The following NKAIN2 variants were observed in gnomAD, a reference collection of about 807,000 sequenced individuals.
NKAIN2 encodes sodium/potassium-transporting ATPase subunit beta-1-interacting protein 2.
NKAIN2 carries 14 observed loss-of-function variants against 32.6 expected under a neutral mutation model. That is an observed-to-expected ratio of 0.43 (90% CI 0.28 to 0.67). The LOEUF (loss-of-function observed/expected upper bound fraction) is 0.67. NKAIN2 is among the 30% of genes least tolerant of loss of function. The probability of loss-of-function intolerance (pLI) is 0.17; values close to 1 mark genes in which losing one functional copy is unlikely to be tolerated. For missense variants in NKAIN2, 198 were observed against 258.3 expected (o/e 0.77, Z 1.60); for synonymous variants, 80 against 87.2 (o/e 0.92, Z 0.46).
At chr6:124,804,857 C>G (rs9385346) in intron 5 of NKAIN2, among the ~76,000 whole-genome samples, 33,263 of 152,156 alleles carry the variant, frequency 0.22, 4,137 homozygotes, top group East Asian at 0.59. Flanking sequence ...CACCTGGCTC[C>G]GAGGGTCCTA....
At chr6:123,905,603 T>A (rs1774827225) in intron 1 of NKAIN2, among the ~76,000 whole-genome samples, 1 of 152,184 alleles carries the variant, frequency 6.6e-6, no homozygotes, top group Non-Finnish European at 1.5e-5. Context: ...GGTCTAGTTC[T>A]AATGTACCTA....
At chr6:124,572,813 T>A (rs1044753999) in intron 3 of NKAIN2, among the ~76,000 whole-genome samples, 13 of 152,108 alleles carry the variant, frequency 8.5e-5, no homozygotes, top group African/African-American at 2.7e-4. Context: ...TAATTCTCAT[T>A]TCTCCAAAAA....
chr6:124,731,648 A>G (rs999381536), intron 4 of NKAIN2, among the ~76,000 whole-genome samples: 20 of 151,430 alleles, frequency 1.3e-4, no homozygotes, highest in Non-Finnish European at 2.4e-4. Flanking sequence ...AGCATGGCAC[A>G]TGTATACATA....
At chr6:124,343,403 C>T (rs1000702622) in intron 2 of NKAIN2, among the ~76,000 whole-genome samples, 11 of 150,492 alleles carry the variant, frequency 7.3e-5, no homozygotes, top group Non-Finnish European at 1.5e-4. Context: ...GAGGAATCGC[C>T]ACACTGACTT....
At chr6:123,835,623 A>G (rs528426277) in intron 1 of NKAIN2, among the ~76,000 whole-genome samples, 1 of 152,128 alleles carries the variant, frequency 6.6e-6, no homozygotes, top group Non-Finnish European at 1.5e-5. Context: ...CATTGCATAA[A>G]TGAGTGAATT....
chr6:124,598,534 C>T (rs572279892), intron 3 of NKAIN2, among the ~76,000 whole-genome samples: 1 of 152,088 alleles, frequency 6.6e-6, no homozygotes, highest in Non-Finnish European at 1.5e-5. Context: ...CTGGATACAG[C>T]ACATATCACT....
chr6:124,642,955 A>G (rs1329685867), intron 3 of NKAIN2, among the ~76,000 whole-genome samples: 1 of 152,172 alleles, frequency 6.6e-6, no homozygotes. Context: ...TGTAGAACTC[A>G]GGAGAGTAGT....
At position 124,084,954 on chromosome 6, in the gene NKAIN2, G is replaced by T. The variant is rs189715394; in HGVS notation, c.55-198051G>T. Reference sequence around the variant, plus strand: ...GTGCACAGCAGGTAAATGCTGTAATGATATTTACTCAAAGAGCTTAAAATT... The same window carrying T: ...GTGCACAGCAGGTAAATGCTGTAATTATATTTACTCAAAGAGCTTAAAATT... On this transcript the variant is annotated intron_variant, in intron 1 of 6. Coordinates refer to ENST00000368417, the MANE Select transcript of NKAIN2 (RefSeq NM_001040214.3). Among the ~76,000 whole-genome samples, 13 of 152,102 alleles carry T rather than the reference G, an allele frequency of 8.5e-5. No homozygotes were observed. In the East Asian group the frequency reaches 2.5e-3, roughly 29 times the overall value.
At chr6:124,131,722 C>T (rs980133307) in intron 1 of NKAIN2, among the ~76,000 whole-genome samples, 5 of 152,166 alleles carry the variant, frequency 3.3e-5, no homozygotes, top group African/African-American at 1.2e-4. Flanking sequence ...CTTGTAGGCA[C>T]TCCTAGTCTC....
intron 3 of NKAIN2, among the ~76,000 whole-genome samples, chr6:124,575,186 A>C (rs1781283773): frequency 6.6e-6 from 1 of 152,132 alleles, no homozygotes; most frequent in South Asian, 2.1e-4. Context: ...GTGGCCCTTA[A>C]TTTATCCTGT....
chr6:124,445,685 A>C (rs558014055), intron 3 of NKAIN2, among the ~76,000 whole-genome samples: 1 of 152,190 alleles, frequency 6.6e-6, no homozygotes, highest in East Asian at 1.9e-4. Flanking sequence ...TGCTGAAGGA[A>C]GCGTTGACTG....
chr6:124,472,324 A>G (rs1237066873), intron 3 of NKAIN2, among the ~76,000 whole-genome samples: 2 of 152,200 alleles, frequency 1.3e-5, no homozygotes, highest in Non-Finnish European at 2.9e-5. Flanking sequence ...TCCAAAAAAT[A>G]TAAATGAAGA....
chr6:124,300,028 A>G (rs1796231558), intron 2 of NKAIN2, among the ~76,000 whole-genome samples: 2 of 152,160 alleles, frequency 1.3e-5, no homozygotes, highest in Admixed American at 6.5e-5. Flanking sequence ...ACCCAGCATC[A>G]CCTGGAAATG....
At chr6:124,162,314 A>G (rs802274) in intron 1 of NKAIN2, among the ~76,000 whole-genome samples, 114,072 of 152,048 alleles carry the variant, frequency 0.75, 45,599 homozygotes, top group Non-Finnish European at 0.88. Context: ...TCTTCTACTC[A>G]AGTTATTATC....
chr6:124,160,918 T>G (rs1402587646), intron 1 of NKAIN2, among the ~76,000 whole-genome samples: 1 of 152,160 alleles, frequency 6.6e-6, no homozygotes, highest in Non-Finnish European at 1.5e-5. Flanking sequence ...CCAAATATTC[T>G]GTGGTAAAAG....
intron 4 of NKAIN2, among the ~76,000 whole-genome samples, chr6:124,756,918 T>C (rs534107318): frequency 2.6e-5 from 4 of 152,296 alleles, no homozygotes; most frequent in African/African-American, 9.6e-5. Context: ...TATTTTAGTA[T>C]TTAATATGGC....
chr6:124,248,934 T>C (rs1435261521), intron 1 of NKAIN2, among the ~76,000 whole-genome samples: 4 of 152,070 alleles, frequency 2.6e-5, no homozygotes, highest in Non-Finnish European at 5.9e-5. Flanking sequence ...AACTATCCCA[T>C]CAGAGCATCC....
At chr6:124,128,990 C>T (rs1157942257) in intron 1 of NKAIN2, among the ~76,000 whole-genome samples, 2 of 152,110 alleles carry the variant, frequency 1.3e-5, no homozygotes, top group Non-Finnish European at 2.9e-5. Flanking sequence ...CAGGGTGAGG[C>T]CTGAGAATTT....
intron 4 of NKAIN2, among the ~76,000 whole-genome samples, chr6:124,661,849 A>G (rs183143981): frequency 2.8e-4 from 43 of 152,274 alleles, no homozygotes; most frequent in Non-Finnish European, 5.3e-4. Context: ...GAGGAGATCA[A>G]TTGGGGAGAT....
Sources: allele counts gnomAD v4.1 joint callset (sites outside exome capture counted in the v4.1 genomes callset), GRCh38; gene constraint gnomAD v4.1.1; transcripts MANE v1.5; gene names NCBI Gene and HGNC (gene_info 2026-07-23, HGNC 2026-07-21).